The following VARS1 variants were observed in gnomAD, a reference collection of about 807,000 sequenced individuals.
VARS1 encodes the protein valyl-tRNA synthetase 1, also known as valine--tRNA ligase.
In VARS1, 92 loss-of-function variants were observed where a neutral mutation model predicts 161.0. The observed-to-expected ratio is 0.57, with a 90% CI of 0.48 to 0.68. VARS1 has a LOEUF of 0.68. Ranked by LOEUF, VARS1 falls within the 30% of genes least tolerant of loss-of-function variation. The probability of loss-of-function intolerance (pLI) is 0.00; values close to 1 mark genes in which losing one functional copy is unlikely to be tolerated. For synonymous variants in VARS1, 595 were observed against 682.5 expected (o/e 0.87, Z 2.00); for missense variants, 1,338 against 1,695.9 (o/e 0.79, Z 3.71).
At chr6:31,790,331 G>A (rs1028653265) in intron 8 of VARS1, among the ~76,000 whole-genome samples, 1 of 151,990 alleles carries the variant, frequency 6.6e-6, no homozygotes, top group Admixed American at 6.6e-5. Context: ...GCCGGGAGCA[G>A]TGGCTCACGC....
chr6:31,794,289 C>G (rs1158113841), intron 2 of VARS1, among the ~76,000 whole-genome samples: 2 of 152,094 alleles, frequency 1.3e-5, no homozygotes, highest in Admixed American at 6.6e-5. Flanking sequence ...TCAAGAAATA[C>G]TAATTTTCCA....
chr6:31,794,786 T>C, intron 2 of VARS1, 45 bp downstream of exon 2: 14 of 1,506,598 alleles, frequency 9.3e-6, no homozygotes, highest in Non-Finnish European at 1.2e-5. Context: ...CTCGCTTCCC[T>C]CCTCTGAATT....
chr6:31,779,558 GA>G lies in VARS1; in HGVS notation c.3289-23del. 6 of 1,611,858 alleles carry G rather than the reference GA, an allele frequency of 3.7e-6. No individual in the cohort carries two copies. Among genetic ancestry groups the G allele is most frequent in the Non-Finnish European group, 5.1e-6 (6 of 1,179,312 alleles). On this transcript the variant is annotated intron_variant, in intron 27 of 29. Coordinates refer to ENST00000375663, the MANE Select transcript of VARS1 (RefSeq NM_006295.3). This position sits in a 1 kb window ranked among gnomAD's most constrained non-coding sequence, Gnocchi z 9.1. ...AGCACTGTGGGGTGGAGGAGGGGGT[GA>G]GGGGGCCTGGAGGGCAGGTCAGACT...
At chr6:31,787,745 G>A (rs1813595211) in intron 8 of VARS1, among the ~76,000 whole-genome samples, 1 of 152,038 alleles carries the variant, frequency 6.6e-6, no homozygotes, top group East Asian at 1.9e-4. Context: ...GGGAGACTGA[G>A]GCAGGAGGAT....
At position 31,779,241 on chromosome 6, in the gene VARS1, G is replaced by A. The variant is rs754196635; in HGVS notation, c.3452C>T (p.Ser1151Leu). ...EATGALASAV[S>L]GYVQALASAG... ...GCTGGCCAGGGCCTGCACGTAGCCC[G>A]ACACCGCCGATGCCAGGGCGCCCGT... is the stretch of plus-strand genomic sequence containing the variant. Residue 1151 changes from serine (S) to leucine (L), a missense_variant, in exon 29 of 30, where the codon TCG (serine) becomes TTG (leucine). Ser to Leu is a moderately radical substitution (Grantham distance 145). Transcript: ENST00000375663. The surrounding 1 kb of genome is among the most constrained non-coding windows in gnomAD (Gnocchi z 9.1). 2.5e-5 allele frequency: 40 copies of A among 1,605,240 alleles called. No individual in the cohort carries two copies. Among genetic ancestry groups the A allele is most frequent in the Admixed American group, 2.3e-4 (14 of 59,816 alleles).
Position 31,782,410 on chromosome 6 carries a change from C to T in VARS1, c.2025G>A (p.Arg675=). ...CCCCGCAGCGAACGTACCACTGCGG[C>T]CGCAGCAGAGGCTCTACCACGTCCT... ...RSKDVVEPLL[R]PQWYVRCGEM... The change falls in exon 17 of 30, where the codon CGG becomes CGA. Residue 675 remains arginine (R), a synonymous_variant. Transcript: ENST00000375663. This position sits in a 1 kb window ranked among gnomAD's most constrained non-coding sequence, Gnocchi z 8.3. 3 of 1,612,316 alleles carry T rather than the reference C, an allele frequency of 1.9e-6. No individual in the cohort carries two copies. The highest frequency in any genetic ancestry group is 2.5e-6 in the Non-Finnish European group (3 of 1,179,668).
chr6:31,795,465 G>T lies in VARS1; in HGVS notation c.-34+81C>A, dbSNP rs1171286188. 2 of 381,346 alleles carry T rather than the reference G, an allele frequency of 5.2e-6. No homozygotes were observed. Among genetic ancestry groups the T allele is most frequent in the Non-Finnish European group, 9.3e-6 (2 of 215,786 alleles). 23.6% of individuals were successfully genotyped at this position (381,346 alleles called of 1,614,324 possible). A position where few individuals can be genotyped will look rare whatever the true frequency, so the allele number is the denominator to read the frequency against. On this transcript the variant is annotated intron_variant, in intron 1 of 29. Coordinates refer to ENST00000375663, the MANE Select transcript of VARS1 (RefSeq NM_006295.3). The surrounding 1 kb of genome is among the most constrained non-coding windows in gnomAD (Gnocchi z 6.9). ...TGGGGAAGAGGAACTATCCACCATCGCGGGGCTTCGGGGAGTGTGGAAGGC... is the reference window on the plus strand; with the variant it reads ...TGGGGAAGAGGAACTATCCACCATCTCGGGGCTTCGGGGAGTGTGGAAGGC...
chr6:31,781,876 A>T lies in VARS1; in HGVS notation c.2318T>A (p.Val773Glu). 1.2e-6 allele frequency: 2 copies of T among 1,612,800 alleles called. No homozygotes were observed. Among genetic ancestry groups the T allele is most frequent in the Non-Finnish European group, 1.7e-6 (2 of 1,180,004 alleles). Residue 773 changes from valine to glutamate, a missense_variant, in exon 19 of 30, where the codon GTG becomes GAG. Around this residue, in one of 3 missense-constraint regions of VARS1, gnomAD observed 902 missense variants for 1,090.3 expected, o/e 0.83. Transcript: ENST00000375663. The surrounding 1 kb of genome is among the most constrained non-coding windows in gnomAD (Gnocchi z 6.8). ...AREKAAKEFG[V>E]SPDKISLQQD... ...CTGGAGACTGATCTTGTCAGGGGAC[A>T]CTCCGAACTCCTTGGCTGCCTTCTC...
In VARS1 at chr6:31,777,557, G is replaced by T; in HGVS notation, c.*37C>A. 1 of 1,611,224 alleles carries T rather than the reference G, an allele frequency of 6.2e-7. No homozygotes were observed. The highest frequency in any genetic ancestry group is 8.5e-7 in the Non-Finnish European group (1 of 1,177,412). On this transcript the variant is annotated 3_prime_UTR_variant, in exon 30 of 30. Transcript: ENST00000375663. This position sits in a 1 kb window ranked among gnomAD's most constrained non-coding sequence, Gnocchi z 5.8. ...ATTTTATTGCTGCCATCCCCATGGT[G>T]AGCCGCTGGGGGTGAGGGGTGAAGC... is the stretch of plus-strand genomic sequence containing the variant.
intron 8 of VARS1, among the ~76,000 whole-genome samples, chr6:31,790,225 T>C (rs566998234): frequency 6.6e-6 from 1 of 152,036 alleles, no homozygotes; most frequent in East Asian, 1.9e-4. Context: ...TTGGACAAAC[T>C]TGATATACAG....
chr6:31,788,167 ACAAACG>A (rs1813627935), intron 8 of VARS1, among the ~76,000 whole-genome samples: 1 of 151,822 alleles, frequency 6.6e-6, no homozygotes, highest in African/African-American at 2.4e-5. Context: ...AAACGCAAAC[ACAAACG>A]CAAACAACTT....
Position 31,780,689 on chromosome 6 carries a change from G to A in VARS1, c.2797+16C>T, listed in dbSNP as rs1273398931. On this transcript the variant is annotated intron_variant, in intron 24 of 29. Transcript: ENST00000375663. This position sits in a 1 kb window ranked among gnomAD's most constrained non-coding sequence, Gnocchi z 5.1. ...GGAGGAAGGAGTGGCTGGGAGGGACGCTTTGGGGGCCATACCCTGGGACAT... is the reference window on the plus strand; with the variant it reads ...GGAGGAAGGAGTGGCTGGGAGGGACACTTTGGGGGCCATACCCTGGGACAT... The A allele has an allele frequency of 5.0e-6, 8 of 1,613,914 alleles. No individual in the cohort carries two copies. The East Asian group carries it at 6.7e-5, about 13-fold the overall frequency.
At chr6:31,783,402 C>G (rs1813291317) in intron 13 of VARS1, among the ~76,000 whole-genome samples, 3 of 151,992 alleles carry the variant, frequency 2.0e-5, no homozygotes, top group Admixed American at 2.0e-4. Flanking sequence ...CTCAGCTACT[C>G]AAGAGGCTGA....
intron 2 of VARS1, among the ~76,000 whole-genome samples, chr6:31,793,827 G>A (rs1219976033): frequency 6.6e-6 from 1 of 152,082 alleles, no homozygotes; most frequent in East Asian, 1.9e-4. Context: ...CAGGGGCCAG[G>A]CGTGGTGGCT....
Position 31,791,908 on chromosome 6 carries a change from C to T in VARS1, c.935G>A (p.Trp312Ter), listed in dbSNP as rs375050345. The T allele has an allele frequency of 6.2e-7, 1 of 1,607,280 alleles. No homozygotes were observed. Among genetic ancestry groups the T allele is most frequent in the Non-Finnish European group, 8.5e-7 (1 of 1,176,394 alleles). Residue 312 changes from tryptophan to a stop codon, truncating the protein, a stop_gained, in exon 7 of 30, where the codon TGG becomes TAG. Transcript: ENST00000375663. LOFTEE classifies it high-confidence loss of function. This position sits in a 1 kb window ranked among gnomAD's most constrained non-coding sequence, Gnocchi z 5.0. ...PRYVEAAWYP[W>*]WEQQGFFKPE... The stretch of plus-strand genomic sequence containing the variant: ...CTTGAAGAAGCCCTGCTGCTCCCAC[C>T]AAGGGTACCAGGCAGCCTCCACATA...
Position 31,782,638 on chromosome 6 carries a change from G to A in VARS1, c.1888-5C>T, listed in dbSNP as rs1019125094. 2 of 1,613,080 alleles carry A rather than the reference G, an allele frequency of 1.2e-6. No individual in the cohort carries two copies. Among genetic ancestry groups the A allele is most frequent in the Non-Finnish European group, 1.7e-6 (2 of 1,180,026 alleles). On this transcript the variant is annotated splice_region_variant and splice_polypyrimidine_tract_variant and intron_variant, in intron 15 of 29. Transcript: ENST00000375663. The surrounding 1 kb of genome is among the most constrained non-coding windows in gnomAD (Gnocchi z 8.3). Reference sequence around the variant, plus strand: ...GGCCTCAAACCTGGGCAGGCCCTGGGTAGGAATGAGGCCTCATCATGGCGA... The same window carrying A: ...GGCCTCAAACCTGGGCAGGCCCTGGATAGGAATGAGGCCTCATCATGGCGA...
At position 31,795,546 on chromosome 6, in the gene VARS1, TG is replaced by T; in HGVS notation, c.-35del. 1 of 222,928 alleles carries T rather than the reference TG, an allele frequency of 4.5e-6. No homozygotes were observed. The highest frequency in any genetic ancestry group is 8.4e-5 in the East Asian group (1 of 11,914). The allele number at this position is 222,928 out of a possible 1,614,324, so 13.8% of individuals were successfully genotyped here. ...GCGGGTTCGAGCCGCGTGTACGTAC[TG>T]GAGGGAGATGGTCAGACTGGGCCGG... On this transcript the variant is annotated splice_region_variant and 5_prime_UTR_variant, in exon 1 of 30. Transcript: ENST00000375663. The surrounding 1 kb of genome is among the most constrained non-coding windows in gnomAD (Gnocchi z 6.9).
intron 4 of VARS1, 28 bp from the exon 5 acceptor site, chr6:31,792,544 C>T: frequency 3.7e-6 from 6 of 1,613,730 alleles, no homozygotes; most frequent in Non-Finnish European, 5.1e-6. Context: ...AATTCAGACT[C>T]AGCCAGCTGG....
In VARS1 at chr6:31,780,859, A is replaced by G; in HGVS notation, c.2718+11T>C. On this transcript the variant is annotated intron_variant, in intron 23 of 29. Transcript: ENST00000375663. The surrounding 1 kb of genome is among the most constrained non-coding windows in gnomAD (Gnocchi z 5.1). ...CTGTGCTCCTGCTTAGCCCAGCCCAACCCTCCATACCTGCCCTTCTTTGGC... is the reference window on the plus strand; with the variant it reads ...CTGTGCTCCTGCTTAGCCCAGCCCAGCCCTCCATACCTGCCCTTCTTTGGC... The G allele has an allele frequency of 1.2e-6, 2 of 1,614,070 alleles. No homozygotes were observed. The highest frequency in any genetic ancestry group is 1.7e-6 in the Non-Finnish European group (2 of 1,179,998).
Sources: allele counts gnomAD v4.1 joint callset (sites outside exome capture counted in the v4.1 genomes callset), GRCh38; gene constraint gnomAD v4.1.1; regional missense constraint gnomAD v4.1.1; non-coding constraint Gnocchi (gnomAD v3.1); transcripts MANE v1.5; gene names NCBI Gene and HGNC (gene_info 2026-07-23, HGNC 2026-07-21).